Variants in SCN2A observed in about 807,000 individuals in gnomAD.
SCN2A encodes the protein sodium channel protein type 2 subunit alpha.
SCN2A carries 20 observed loss-of-function variants against 188.7 expected under a neutral mutation model. The ratio of observed to expected loss-of-function variants is 0.11; its 90% confidence interval spans 0.07 to 0.15. The LOEUF (loss-of-function observed/expected upper bound fraction) is 0.15, where lower values mean the gene tolerates loss of function less well. SCN2A is among the 10% of genes least tolerant of loss of function. The pLI, the probability that SCN2A is intolerant of heterozygous loss-of-function variation, is 1.00. For missense variants in SCN2A, 1,278 were observed against 2,445.0 expected (o/e 0.52, Z 10.07); for synonymous variants, 804 against 833.1 (o/e 0.97, Z 0.60).
intron 4 of SCN2A, among the ~76,000 whole-genome samples, chr2:165,308,158 C>T (rs1235562079): frequency 5.9e-5 from 9 of 152,106 alleles, no homozygotes; most frequent in Admixed American, 3.9e-4. Context: ...CTATTATCTG[C>T]AGCCCTTTAT....
At chr2:165,242,567 T>A (rs566795476) in intron 1 of SCN2A, among the ~76,000 whole-genome samples, 1 of 152,182 alleles carries the variant, frequency 6.6e-6, no homozygotes, top group East Asian at 1.9e-4. Context: ...GAGGACTAAA[T>A]TGGACATGAG....
At chr2:165,291,436 C>CTCTCTCTTTCTTTCTT (rs1696135107) in intron 1 of SCN2A, among the ~76,000 whole-genome samples, 1 of 65,406 alleles carries the variant, frequency 1.5e-5, no homozygotes, top group Non-Finnish European at 3.1e-5. Flanking sequence ...GTCTTTCTTT[C>CTCTCTCTTTCTTTCTT]TCTTTCTTTC....
intron 20 of SCN2A, chr2:165,372,073 C>T (rs1173698315): frequency 2.0e-5 from 3 of 152,118 alleles, no homozygotes; most frequent in African/African-American, 7.2e-5. Context: ...TTGGTTCTGT[C>T]TTCAGAGAAG....
intron 1 of SCN2A, among the ~76,000 whole-genome samples, chr2:165,254,489 T>C (rs1694233806): frequency 6.6e-6 from 1 of 151,748 alleles, no homozygotes; most frequent in Non-Finnish European, 1.5e-5. Context: ...CCTTTGAATG[T>C]GTTTACAAAA....
chr2:165,270,610 C>T (rs1465971898), intron 1 of SCN2A: 1 of 152,104 alleles, frequency 6.6e-6, no homozygotes, highest in African/African-American at 2.4e-5. Flanking sequence ...AAGGCAAGAA[C>T]CTCCACCCCA....
chr2:165,306,509 T>C (rs1230993819), intron 3 of SCN2A, among the ~76,000 whole-genome samples: 1 of 906 alleles, frequency 1.1e-3, no homozygotes, highest in Non-Finnish European at 6.9e-3. Context: ...GTATTTTGTG[T>C]GTGTGTGTGT....
At chr2:165,304,093 G>T (rs1313819699) in intron 3 of SCN2A, among the ~76,000 whole-genome samples, 1 of 151,862 alleles carries the variant, frequency 6.6e-6, no homozygotes, top group Admixed American at 6.6e-5. Flanking sequence ...AGAAACTTGT[G>T]TAAACAATAT....
At chr2:165,375,010 G>A (rs774239032) in intron 22 of SCN2A, 44 bp downstream of exon 22, 59 of 1,559,938 alleles carry the variant, frequency 3.8e-5, no homozygotes, top group Admixed American at 5.1e-5. Flanking sequence ...TAATTAAAAT[G>A]AGTCTAAAGT....
chr2:165,273,032 T>C (rs1000394955), intron 1 of SCN2A: 1 of 152,100 alleles, frequency 6.6e-6, no homozygotes, highest in African/African-American at 2.4e-5. Context: ...TTAACTCTAC[T>C]GCAATTGTAA....
intron 1 of SCN2A, among the ~76,000 whole-genome samples, chr2:165,276,814 G>C (rs756294839): frequency 1.3e-5 from 2 of 152,182 alleles, no homozygotes; most frequent in African/African-American, 2.4e-5. Context: ...AAGCTAACAT[G>C]TTCTGTGACC....
intron 16 of SCN2A, among the ~76,000 whole-genome samples, chr2:165,346,689 AT>A (rs1431077386): frequency 7.9e-5 from 12 of 152,274 alleles, no homozygotes; most frequent in African/African-American, 2.4e-4. Context: ...ATGGGAGAAA[AT>A]TTTTGCAATC....
chr2:165,356,247 T>C (rs553138264), intron 17 of SCN2A, among the ~76,000 whole-genome samples: 57 of 152,174 alleles, frequency 3.7e-4, no homozygotes, highest in Non-Finnish European at 7.2e-4. Flanking sequence ...GGAAAAGTAA[T>C]AAAACCTTCT....
intron 1 of SCN2A, among the ~76,000 whole-genome samples, chr2:165,287,514 G>GT (rs34233499): frequency 0.16 from 22,864 of 145,860 alleles, 1,785 homozygotes; most frequent in Non-Finnish European, 0.18. Flanking sequence ...AGGTTCAGGT[G>GT]TTTTTTTTTT....
At chr2:165,374,664 T>C in intron 21 of SCN2A, 21 bp from the exon 22 acceptor site, 1 of 1,611,480 alleles carries the variant, frequency 6.2e-7, no homozygotes, top group African/African-American at 1.3e-5. Context: ...TCACTTATTT[T>C]TCCTTCTCAT....
At chr2:165,381,571 T>A (rs1701604978) in intron 25 of SCN2A, among the ~76,000 whole-genome samples, 2 of 151,922 alleles carry the variant, frequency 1.3e-5, no homozygotes, top group African/African-American at 4.8e-5. Context: ...CAGATCGGAA[T>A]AATTGGTACG....
chr2:165,286,021 C>A, intron 1 of SCN2A: 1 of 194,068 alleles, frequency 5.2e-6, no homozygotes, highest in Non-Finnish European at 1.1e-5. Context: ...ATGAAAGGGG[C>A]CCACAGGAGG....
chr2:165,390,010 G>T lies in SCN2A; in HGVS notation c.*186G>T. On this transcript the variant is annotated 3_prime_UTR_variant, in exon 27 of 27. Coordinates refer to ENST00000375437, the MANE Select transcript of SCN2A (RefSeq NM_001040142.2). ...TCAGCAAACTGGAACTCAGTAAACT[G>T]GAGAAATAGTATCGATGGGAGGTTT... 1 of 905,866 alleles carries T rather than the reference G, an allele frequency of 1.1e-6. No homozygotes were observed. Among genetic ancestry groups the T allele is most frequent in the Non-Finnish European group, 1.6e-6 (1 of 623,044 alleles). The allele number at this position is 905,866 out of a possible 1,614,324, so 56.1% of individuals were successfully genotyped here. A position where few individuals can be genotyped will look rare whatever the true frequency, so the allele number is the denominator to read the frequency against.
intron 22 of SCN2A, among the ~76,000 whole-genome samples, chr2:165,375,302 C>G (rs1210049056): frequency 6.6e-6 from 1 of 151,936 alleles, no homozygotes; most frequent in Non-Finnish European, 1.5e-5. Context: ...CACTGCAGCA[C>G]TATTCACAAT....
intron 14 of SCN2A, among the ~76,000 whole-genome samples, chr2:165,335,633 C>T (rs905813483): frequency 6.6e-6 from 1 of 151,650 alleles, no homozygotes; most frequent in Non-Finnish European, 1.5e-5. Flanking sequence ...AGAGCTAAAA[C>T]TATGAACTGT....
Sources: gnomAD v4.1 joint callset for allele counts (sites outside exome capture counted in the v4.1 genomes callset) on GRCh38, gnomAD v4.1.1 for gene constraint, MANE v1.5 for transcripts, NCBI Gene and HGNC (gene_info 2026-07-23, HGNC 2026-07-21) for gene names.